Variants in PVT1 observed in about 807,000 individuals in gnomAD.
PVT1 encodes Pvt1 oncogene, also known as CXCR4/PVT1 fusion.
chr8:128,085,669 A>T (rs552186100), intron 5 of PVT1, among the ~76,000 whole-genome samples: 1 of 152,344 alleles, frequency 6.6e-6, no homozygotes, highest in African/African-American at 2.4e-5. Context: ...CTCACCCTTA[A>T]TTCATGTGTA....
chr8:127,812,240 A>AAGGAAGGAAGGAAGGC (rs1563611707), intron 2 of PVT1, among the ~76,000 whole-genome samples: 32 of 127,714 alleles, frequency 2.5e-4, no homozygotes, highest in African/African-American at 1.1e-3. Context: ...GGCAGGAAGG[A>AAGGAAGGAAGGAAGGC]AGGAAGGCAG....
intron 3 of PVT1, among the ~76,000 whole-genome samples, chr8:127,906,759 C>T (rs960098360): frequency 6.6e-6 from 1 of 152,122 alleles, no homozygotes; most frequent in Non-Finnish European, 1.5e-5. Flanking sequence ...GCGTTAATGT[C>T]ACCATTCTTA....
At chr8:127,937,816 T>C (rs1009547057) in intron 3 of PVT1, among the ~76,000 whole-genome samples, 4 of 152,160 alleles carry the variant, frequency 2.6e-5, no homozygotes, top group Non-Finnish European at 5.9e-5. Context: ...GCATTATTTA[T>C]TACCCATGGT....
At chr8:127,969,546 C>T (rs577137788) in intron 3 of PVT1, among the ~76,000 whole-genome samples, 1 of 152,262 alleles carries the variant, frequency 6.6e-6, no homozygotes, top group East Asian at 1.9e-4. Flanking sequence ...TGGTATGCAG[C>T]CATTCAAACA....
At chr8:127,884,052 T>C (rs983011464) in intron 2 of PVT1, among the ~76,000 whole-genome samples, 5 of 152,228 alleles carry the variant, frequency 3.3e-5, no homozygotes, top group Non-Finnish European at 7.3e-5. Flanking sequence ...ATGTCATATG[T>C]GTATCGATAG....
chr8:128,081,002 CAA>C (rs1396818929), intron 5 of PVT1, among the ~76,000 whole-genome samples: 2 of 152,152 alleles, frequency 1.3e-5, no homozygotes, highest in African/African-American at 4.8e-5. Flanking sequence ...GCTCCTTTGT[CAA>C]AGGTCAGTTG....
At chr8:127,833,763 G>A (rs565395248) in intron 2 of PVT1, among the ~76,000 whole-genome samples, 4 of 152,256 alleles carry the variant, frequency 2.6e-5, no homozygotes, top group African/African-American at 4.8e-5. Flanking sequence ...GTCTTGGCCC[G>A]AGGGCATTGG....
intron 4 of PVT1, chr8:128,009,564 A>G (rs1817289604): frequency 6.6e-6 from 1 of 152,234 alleles, no homozygotes; most frequent in African/African-American, 2.4e-5. Context: ...AGTTTTCAAA[A>G]TAGATTTTAT....
intron 4 of PVT1, among the ~76,000 whole-genome samples, chr8:128,052,293 C>T (rs903555450): frequency 1.5e-5 from 2 of 137,680 alleles, no homozygotes; most frequent in African/African-American, 5.4e-5. Flanking sequence ...TGAAGGCCAA[C>T]CTGGTACTAG....
exon 2 of PVT1, chr8:127,796,017 G>T (rs1391285742): frequency 5.9e-6 from 1 of 170,442 alleles, no homozygotes; most frequent in African/African-American, 2.4e-5. Context: ...AGGTGAGGAC[G>T]TGCCTCGTGG....
chr8:127,923,287 G>A (rs141564782), intron 3 of PVT1, among the ~76,000 whole-genome samples: 1,562 of 152,298 alleles, frequency 0.01, 25 homozygotes, highest in African/African-American at 0.035. Context: ...CGAAGCAGAC[G>A]GGCCATTCAT....
intron 3 of PVT1, among the ~76,000 whole-genome samples, chr8:127,945,571 C>T (rs999543332): frequency 1.3e-5 from 2 of 152,208 alleles, no homozygotes; most frequent in African/African-American, 2.4e-5. Context: ...CCTCCAAAGG[C>T]AGCATGAATC....
At chr8:127,842,981 C>T (rs1161164710) in intron 2 of PVT1, among the ~76,000 whole-genome samples, 1 of 152,182 alleles carries the variant, frequency 6.6e-6, no homozygotes, top group African/African-American at 2.4e-5. Flanking sequence ...GAATGTATGA[C>T]CAATAGGCAA....
chr8:128,083,379 C>T (rs1480037828), intron 5 of PVT1, among the ~76,000 whole-genome samples: 1 of 152,234 alleles, frequency 6.6e-6, no homozygotes, highest in African/African-American at 2.4e-5. Context: ...CATTGGGCCA[C>T]TTGTGGTATT....
chr8:128,058,824 C>T (rs560642882), intron 4 of PVT1, among the ~76,000 whole-genome samples: 33 of 152,316 alleles, frequency 2.2e-4, no homozygotes, highest in African/African-American at 7.2e-4. Context: ...CGACCATGTC[C>T]TCGAGCCCTC....
chr8:127,847,211 C>G (rs1340869480), intron 2 of PVT1, among the ~76,000 whole-genome samples: 1 of 146,530 alleles, frequency 6.8e-6, no homozygotes, highest in Non-Finnish European at 1.5e-5. Context: ...CCATGTTGGC[C>G]AGGATAGTCG....
intron 3 of PVT1, among the ~76,000 whole-genome samples, chr8:127,981,924 G>A (rs942693675): frequency 6.6e-6 from 1 of 152,192 alleles, no homozygotes; most frequent in Non-Finnish European, 1.5e-5. Context: ...TTGGAACCCA[G>A]GGTTCTCTGA....
intron 2 of PVT1, among the ~76,000 whole-genome samples, chr8:127,821,842 A>G (rs532496960): frequency 1.8e-4 from 27 of 152,186 alleles, no homozygotes; most frequent in African/African-American, 6.5e-4. Context: ...TAACAATTAC[A>G]TGTGTAGTTT....
At chr8:127,918,842 C>G (rs1459624290) in intron 3 of PVT1, among the ~76,000 whole-genome samples, 1 of 152,206 alleles carries the variant, frequency 6.6e-6, no homozygotes, top group East Asian at 1.9e-4. Context: ...ATAAGTTGAA[C>G]CCCCACTCGT....
Sources: allele counts gnomAD v4.1 joint callset (sites outside exome capture counted in the v4.1 genomes callset), GRCh38; gene constraint gnomAD v4.1.1; transcripts MANE v1.5; gene names NCBI Gene and HGNC (gene_info 2026-07-23, HGNC 2026-07-21).